Variants in CSMD2 observed in about 807,000 individuals in gnomAD.
The protein encoded by CSMD2 is CUB and Sushi multiple domains 2, also known as CUB and sushi domain-containing protein 2.
CSMD2 carries 130 observed loss-of-function variants against 398.5 expected under a neutral mutation model. The ratio of observed to expected loss-of-function variants is 0.33; its 90% CI spans 0.28 to 0.38. The LOEUF (loss-of-function observed/expected upper bound fraction) is 0.38. Ranked by LOEUF, CSMD2 falls within the 10% of genes least tolerant of loss-of-function variation. CSMD2 has a pLI of 1.00. For synonymous variants in CSMD2, 1,828 were observed against 1,908.5 expected, an observed-to-expected ratio of 0.96 and a Z score of 1.10; for missense variants, 3,829 against 4,764.9, an observed-to-expected ratio of 0.80 and a Z score of 5.78.
At chr1:33,750,279 G>A (rs911065802) in intron 13 of CSMD2, among the ~76,000 whole-genome samples, 8 of 151,966 alleles carry the variant, frequency 5.3e-5, no homozygotes, top group Admixed American at 1.3e-4. Flanking sequence ...GAAAACAGCC[G>A]AGCTCTCCTT....
At chr1:33,770,914 T>A (rs1651170120) in intron 13 of CSMD2, among the ~76,000 whole-genome samples, 1 of 152,088 alleles carries the variant, frequency 6.6e-6, no homozygotes, top group Non-Finnish European at 1.5e-5. Flanking sequence ...TTGGTGAAGG[T>A]TTTACAGGGA....
chr1:33,525,188 G>A, intron 65 of CSMD2, 145 bp from the exon 66 acceptor site: 3 of 835,728 alleles, frequency 3.6e-6, no homozygotes, highest in Non-Finnish European at 3.8e-6. Flanking sequence ...AGAATGCTCT[G>A]GCCTCTTCTC....
chr1:33,693,066 A>G lies in CSMD2; in HGVS notation c.3926-10T>C. ...GTCCCTCCACACTCGGCTGAAAGAA[A>G]TCCCAAAAGAGTGAGCTTCATGGGG... On this transcript the variant is annotated splice_polypyrimidine_tract_variant and intron_variant, in intron 24 of 70. Transcript: ENST00000373381. The G allele has an allele frequency of 6.3e-7, 1 of 1,587,550 alleles. No homozygotes were observed. The highest frequency in any genetic ancestry group is 8.6e-7 in the Non-Finnish European group (1 of 1,169,478).
chr1:33,617,645 G>C (rs769139738), intron 37 of CSMD2, 28 bp from the exon 38 acceptor site: 1 of 1,566,506 alleles, frequency 6.4e-7, no homozygotes, highest in Non-Finnish European at 8.8e-7. Flanking sequence ...AGAAGGAAAG[G>C]AGAATGGACT....
intron 46 of CSMD2, among the ~76,000 whole-genome samples, chr1:33,585,232 T>G (rs1639002044): frequency 6.6e-6 from 1 of 152,286 alleles, no homozygotes; most frequent in South Asian, 2.1e-4. Flanking sequence ...TCTGCTGGAT[T>G]CTGGGACACT....
At chr1:33,873,174 G>A (rs899307977) in intron 5 of CSMD2, among the ~76,000 whole-genome samples, 1 of 152,228 alleles carries the variant, frequency 6.6e-6, no homozygotes, top group Non-Finnish European at 1.5e-5. Context: ...TGATTTAGAT[G>A]ATGAGATCCT....
At chr1:33,943,360 A>G (rs1409948668) in intron 3 of CSMD2, among the ~76,000 whole-genome samples, 1 of 152,118 alleles carries the variant, frequency 6.6e-6, no homozygotes, top group East Asian at 1.9e-4. Context: ...AAACTCCATC[A>G]AAGCCACACT....
intron 12 of CSMD2, among the ~76,000 whole-genome samples, chr1:33,779,531 C>G (rs1041551643): frequency 2.0e-5 from 3 of 152,188 alleles, no homozygotes; most frequent in Admixed American, 2.0e-4. Context: ...ATTGTCGCTG[C>G]TGTTTGCAGA....
rs1247827926 is a variant in CSMD2 at position 33,825,868 on chromosome 1, C to T, written c.1034-94G>A. 4 of 1,031,328 alleles carry T rather than the reference C, an allele frequency of 3.9e-6. No individual in the cohort carries two copies. In the East Asian group the frequency reaches 7.7e-5, roughly 20 times the overall value. 63.9% of individuals were successfully genotyped at this position (1,031,328 alleles called of 1,614,324 possible). ...AAGGATTCCCCCTTGTGCCTTGGAA[C>T]ATTCCATGGTGGGTCAAAGCCAGGA... On this transcript the variant is annotated intron_variant, in intron 6 of 70. Coordinates refer to ENST00000373381, the MANE Select transcript of CSMD2 (RefSeq NM_001281956.2).
At chr1:33,767,273 T>TA (rs1650629446) in intron 13 of CSMD2, among the ~76,000 whole-genome samples, 1 of 152,078 alleles carries the variant, frequency 6.6e-6, no homozygotes, top group African/African-American at 2.4e-5. Context: ...TGGGTAAGAA[T>TA]AAAAAAAGAC....
intron 15 of CSMD2, among the ~76,000 whole-genome samples, chr1:33,730,633 C>T (rs1400298218): frequency 1.5e-4 from 22 of 150,752 alleles, no homozygotes; most frequent in Admixed American, 9.9e-4. Context: ...AAAAAAAACC[C>T]TTAAACTATT....
chr1:33,808,290 T>C (rs1656456093), intron 10 of CSMD2, among the ~76,000 whole-genome samples: 7 of 152,000 alleles, frequency 4.6e-5, no homozygotes. Flanking sequence ...AATGGACATA[T>C]TAGAAAACAA....
intron 47 of CSMD2, 51 bp from the exon 48 acceptor site, chr1:33,580,950 G>A: frequency 6.3e-7 from 1 of 1,599,748 alleles, no homozygotes; most frequent in Non-Finnish European, 8.5e-7. Flanking sequence ...ATCACAGGGA[G>A]CCTCCAGGGA....
At chr1:33,567,494 TA>T in intron 53 of CSMD2, 98 bp downstream of exon 53, 1 of 803,240 alleles carries the variant, frequency 1.2e-6, no homozygotes, top group Non-Finnish European at 1.9e-6. Context: ...TATATATATA[TA>T]TTTAAAACAA....
At chr1:33,814,690 A>G (rs759919464) in intron 9 of CSMD2, among the ~76,000 whole-genome samples, 10 of 151,860 alleles carry the variant, frequency 6.6e-5, no homozygotes, top group Non-Finnish European at 1.3e-4. Flanking sequence ...TCTTCCTCCA[A>G]CTCATGATCA....
At chr1:34,113,812 A>G (rs1661336367) in intron 1 of CSMD2, among the ~76,000 whole-genome samples, 1 of 152,252 alleles carries the variant, frequency 6.6e-6, no homozygotes, top group African/African-American at 2.4e-5. Flanking sequence ...AATGCATAAG[A>G]AAAATTGTTT....
intron 3 of CSMD2, among the ~76,000 whole-genome samples, chr1:33,962,370 A>G (rs76135412): frequency 0.011 from 1,609 of 152,196 alleles, 26 homozygotes; most frequent in African/African-American, 0.037. Context: ...CCACAGAAAG[A>G]CTTCATTTGA....
In CSMD2 at chr1:33,707,695, G is replaced by GCGCA. The variant is rs1172787777; in HGVS notation, c.3576+1393_3576+1394insTGCG. 8.7e-3 allele frequency among the ~76,000 whole-genome samples: 798 copies of GCGCA among 91,968 alleles called. 7 individuals are homozygous for GCGCA. The highest frequency in any genetic ancestry group is 9.4e-3 in the Middle Eastern group (2 of 212). 60.3% of individuals were successfully genotyped at this position (91,968 alleles called of 152,430 possible). ...CGCACGCGTGCACACGCGCGCGCGC[G>GCGCA]CACACACACACACACACACACACAC... is the stretch of plus-strand genomic sequence containing the variant. On this transcript the variant is annotated intron_variant, in intron 22 of 70. Coordinates refer to ENST00000373381, the MANE Select transcript of CSMD2 (RefSeq NM_001281956.2).
rs757273147 is a variant in CSMD2, at chr1:33,583,718, C to G, written c.7164G>C (p.Glu2388Asp). 1 of 1,614,094 alleles carries G rather than the reference C, an allele frequency of 6.2e-7. No homozygotes were observed. The highest frequency in any genetic ancestry group is 1.3e-5 in the African/African-American group (1 of 74,930). ...CTGTGAGGGAGATGTTATAGTCGGGCTCCACTCTCACCAGCCAAGAGCAGG... is the reference window on the plus strand; with the variant it reads ...CTGTGAGGGAGATGTTATAGTCGGGGTCCACTCTCACCAGCCAAGAGCAGG... ...FQTCSWLVRVEPDYNISLTVE... is the reference protein window; with the variant it reads ...FQTCSWLVRVDPDYNISLTVE... The change falls in exon 47 of 71, where the codon GAG becomes GAC. Residue 2388 changes from glutamate (E) to aspartate (D), a missense_variant. Physicochemically the swap from Glu to Asp is conservative, Grantham distance 45. Coordinates refer to ENST00000373381, the MANE Select transcript of CSMD2 (RefSeq NM_001281956.2).
Sources: allele counts gnomAD v4.1 joint callset (sites outside exome capture counted in the v4.1 genomes callset), GRCh38; gene constraint gnomAD v4.1.1; transcripts MANE v1.5; gene names NCBI Gene and HGNC (gene_info 2026-07-23, HGNC 2026-07-21).